Variants in GFI1B observed in about 807,000 individuals in gnomAD.
GFI1B encodes the protein growth factor independent 1B transcriptional repressor, also known as zinc finger protein Gfi-1b.
In GFI1B, 20 loss-of-function variants were observed where a neutral mutation model predicts 35.3. The observed-to-expected ratio is 0.57, with a 90% CI of 0.40 to 0.82. The LOEUF (loss-of-function observed/expected upper bound fraction) is 0.82, where lower values mean the gene tolerates loss of function less well. Ranked by LOEUF, GFI1B falls within the 40% of genes least tolerant of loss-of-function variation. The pLI is 0.00. For synonymous variants in GFI1B, 178 were observed against 177.6 expected (o/e 1.00, Z -0.02); for missense variants, 430 against 446.3 (o/e 0.96, Z 0.33).
At chr9:132,967,463 A>G (rs138659369) in intron 1 of GFI1B, among the ~76,000 whole-genome samples, 1,918 of 152,314 alleles carry the variant, frequency 0.013, 37 homozygotes, top group African/African-American at 0.043. Flanking sequence ...GTGCTCTTCC[A>G]TCATAAAGGA....
intron 1 of GFI1B, chr9:132,972,575 G>T (rs768507774): frequency 6.6e-6 from 1 of 152,304 alleles, no homozygotes. Flanking sequence ...GGGCGACAGA[G>T]TGAGACTCTG....
chr9:132,982,183 A>G (rs1258836497), intron 1 of GFI1B, among the ~76,000 whole-genome samples: 1 of 152,256 alleles, frequency 6.6e-6, no homozygotes, highest in Non-Finnish European at 1.5e-5. Context: ...AGGTGGTTCA[A>G]TCTCTCACTG....
chr9:132,964,623 C>T (rs760920744), intron 1 of GFI1B, among the ~76,000 whole-genome samples: 1 of 152,262 alleles, frequency 6.6e-6, no homozygotes, highest in Non-Finnish European at 1.5e-5. Context: ...CAATTCTACA[C>T]ACACAAAAAT....
At chr9:132,960,466 G>T (rs900161443) in intron 1 of GFI1B, among the ~76,000 whole-genome samples, 1 of 152,068 alleles carries the variant, frequency 6.6e-6, no homozygotes, top group African/African-American at 2.4e-5. Context: ...GTTGTCAAAG[G>T]CTTCATCTTG....
rs1849281472 is a variant in GFI1B at position 132,991,098 on chromosome 9, C to A, written c.*48C>A. 1.3e-6 allele frequency: 2 copies of A among 1,537,174 alleles called. No homozygotes were observed. Among genetic ancestry groups the A allele is most frequent in the Non-Finnish European group, 1.8e-6 (2 of 1,118,200 alleles). ...TGGCCAGCCTGCCCTGCGGTCCTGT[C>A]ACCTGGAGGCCAGCCTCACATGCCC... On this transcript the variant is annotated 3_prime_UTR_variant, in exon 7 of 7. Coordinates refer to ENST00000372122, the MANE Select transcript of GFI1B (RefSeq NM_001377304.1).
chr9:132,982,326 C>T (rs905581996), intron 1 of GFI1B, among the ~76,000 whole-genome samples: 3 of 152,162 alleles, frequency 2.0e-5, no homozygotes, highest in African/African-American at 7.2e-5. Flanking sequence ...AGCTCCAGGA[C>T]CCCAAATCAG....
At chr9:132,987,162 G>A in intron 2 of GFI1B, 120 bp from the exon 3 acceptor site, 1 of 1,114,126 alleles carries the variant, frequency 9.0e-7, no homozygotes, top group Non-Finnish European at 1.3e-6. Flanking sequence ...GCCGCCAGAA[G>A]CAGCGGCACG....
intron 1 of GFI1B, among the ~76,000 whole-genome samples, chr9:132,982,838 G>C (rs8192999): frequency 0.23 from 35,640 of 152,046 alleles, 4,753 homozygotes; most frequent in South Asian, 0.39. Flanking sequence ...AGAGAACACT[G>C]GGGGGAGGCA....
intron 2 of GFI1B, among the ~76,000 whole-genome samples, chr9:132,973,529 G>A (rs549814280): frequency 4.6e-5 from 7 of 152,280 alleles, no homozygotes; most frequent in South Asian, 2.1e-4. Context: ...ATGAGTAACC[G>A]AGCAAGACAG....
chr9:132,965,022 T>TGGGGG (rs1848429018), intron 1 of GFI1B, among the ~76,000 whole-genome samples: 1 of 152,172 alleles, frequency 6.6e-6, no homozygotes, highest in African/African-American at 2.4e-5. Flanking sequence ...ATCAATAATT[T>TGGGGG]ACTATGGCCC....
intron 1 of GFI1B, among the ~76,000 whole-genome samples, chr9:132,966,098 G>A (rs1286877793): frequency 2.6e-5 from 4 of 152,198 alleles, no homozygotes; most frequent in Admixed American, 1.3e-4. Flanking sequence ...AGTGGCTCAC[G>A]CCTGCTTTCT....
intron 1 of GFI1B, among the ~76,000 whole-genome samples, chr9:132,958,910 C>A (rs752679569): frequency 6.6e-5 from 10 of 152,160 alleles, no homozygotes; most frequent in Non-Finnish European, 1.5e-4. Flanking sequence ...ACCAGGAGAA[C>A]TGGCCATGGC....
chr9:132,954,216 A>T (rs946599632), intron 1 of GFI1B, among the ~76,000 whole-genome samples: 1 of 151,944 alleles, frequency 6.6e-6, no homozygotes, highest in African/African-American at 2.4e-5. Context: ...TCAGCCTCCC[A>T]GGTAGCTGGG....
chr9:132,978,377 T>C (rs1011703334), upstream of GFI1B: 1 of 152,192 alleles, frequency 6.6e-6, no homozygotes, highest in Non-Finnish European at 1.5e-5. Flanking sequence ...GACTTCCCTA[T>C]GCAAAATCGA....
At chr9:132,992,155 C>T (rs2118914924), downstream of GFI1B, among the ~76,000 whole-genome samples, 1 of 152,280 alleles carries the variant, frequency 6.6e-6, no homozygotes, top group Non-Finnish European at 1.5e-5. Flanking sequence ...TTGGCCCCTT[C>T]CTCTGCCTTC....
chr9:132,967,885 A>C (rs1302521675), intron 1 of GFI1B, among the ~76,000 whole-genome samples: 1 of 151,802 alleles, frequency 6.6e-6, no homozygotes, highest in Non-Finnish European at 1.5e-5. Flanking sequence ...GGTTCAAGCG[A>C]TTCTCCTGCC....
At chr9:132,949,464 G>A (rs1370932371) in intron 1 of GFI1B, among the ~76,000 whole-genome samples, 3 of 152,136 alleles carry the variant, frequency 2.0e-5, no homozygotes, top group Non-Finnish European at 4.4e-5. Flanking sequence ...CCAAGACTGA[G>A]ATACATGGTG....
upstream of GFI1B, among the ~76,000 whole-genome samples, chr9:132,977,202 G>A (rs537898315): frequency 2.0e-5 from 3 of 152,212 alleles, no homozygotes; most frequent in South Asian, 2.1e-4. Context: ...AGTGATCCTC[G>A]CCTGCCTCGG....
chr9:132,947,935 CTA>C (rs1848146491), intron 1 of GFI1B, among the ~76,000 whole-genome samples: 1 of 152,092 alleles, frequency 6.6e-6, no homozygotes, highest in South Asian at 2.1e-4. Context: ...ACTCAGCAGT[CTA>C]TGAGTGGTTG....
Sources: gnomAD v4.1 joint callset for allele counts (sites outside exome capture counted in the v4.1 genomes callset) on GRCh38, gnomAD v4.1.1 for gene constraint, MANE v1.5 for transcripts, NCBI Gene and HGNC (gene_info 2026-07-23, HGNC 2026-07-21) for gene names.